GALNT15: variants seen among roughly 807,000 people sequenced by gnomAD.
GALNT15 encodes the protein UDP-GalNAc transferase T15.
GALNT15 carries 67 observed loss-of-function variants against 66.8 expected under a neutral mutation model. The observed-to-expected ratio is 1.00, with a 90% CI of 0.82 to 1.23. The LOEUF is 1.23. Among genes scored for constraint, GALNT15 ranks in the 50% most tolerant of loss-of-function variants. The pLI, the probability that GALNT15 is intolerant of heterozygous loss-of-function variation, is 0.00. For synonymous variants in GALNT15, 313 were observed against 311.5 expected (o/e 1.00, Z -0.05); for missense variants, 827 against 804.3 (o/e 1.03, Z -0.34).
At chr3:16,217,275 G>A (rs942119840) in intron 6 of GALNT15, among the ~76,000 whole-genome samples, 1 of 152,180 alleles carries the variant, frequency 6.6e-6, no homozygotes, top group Non-Finnish European at 1.5e-5. Flanking sequence ...TCCATTCTCT[G>A]ATTCACAGAT....
At chr3:16,210,981 C>G in intron 4 of GALNT15, 143 bp from the exon 5 acceptor site, 1 of 613,788 alleles carries the variant, frequency 1.6e-6, no homozygotes, top group South Asian at 1.9e-5. Flanking sequence ...TCCAGTCTTG[C>G]AATTAAAAAA....
At chr3:16,213,086 G>C (rs1021216663) in intron 6 of GALNT15, among the ~76,000 whole-genome samples, 6 of 152,100 alleles carry the variant, frequency 3.9e-5, no homozygotes, top group Admixed American at 1.3e-4. Context: ...TCCAAGGCCA[G>C]GTCTCCTTTC....
chr3:16,220,785 C>T (rs528691201), intron 8 of GALNT15, among the ~76,000 whole-genome samples: 1 of 152,226 alleles, frequency 6.6e-6, no homozygotes, highest in Non-Finnish European at 1.5e-5. Flanking sequence ...TGTGGTCCAG[C>T]CCTGCATGGA....
At position 16,181,544 on chromosome 3, in the gene GALNT15, G is replaced by A. The variant is rs994923204; in HGVS notation, c.539+5854G>A. On this transcript the variant is annotated intron_variant, in intron 1 of 9. Coordinates refer to ENST00000339732, the MANE Select transcript of GALNT15 (RefSeq NM_054110.5). The surrounding 1 kb of genome is among the most constrained non-coding windows in gnomAD (Gnocchi z 5.9). ...GAAGATGGTGTTGCAATCCACGCGG[G>A]GTCCACTCAGTTCCCTGTGAAGACT... Among the ~76,000 whole-genome samples the A allele has an allele frequency of 1.3e-5, 2 of 152,008 alleles. No individual in the cohort carries two copies. Among genetic ancestry groups the A allele is most frequent in the African/African-American group, 4.8e-5 (2 of 41,388 alleles).
intron 8 of GALNT15, 118 bp from the exon 9 acceptor site, chr3:16,222,497 G>C: frequency 1.6e-6 from 2 of 1,250,058 alleles, no homozygotes; most frequent in Non-Finnish European, 2.3e-6. Flanking sequence ...TTCTGACCCC[G>C]ATAGAATCTG....
Position 16,175,108 on chromosome 3 carries a change from G to T in GALNT15, c.-44G>T. 8 of 1,566,748 alleles carry T rather than the reference G, an allele frequency of 5.1e-6. No individual in the cohort carries two copies. The highest frequency in any genetic ancestry group is 7.0e-6 in the Non-Finnish European group (8 of 1,149,764). ...TTGAAGGAGCCTGGAGCGGGAGAAA[G>T]CTAACTTGAACATGACCTGTTGCAT... On this transcript the variant is annotated 5_prime_UTR_variant, in exon 1 of 10. Coordinates refer to ENST00000339732, the MANE Select transcript of GALNT15 (RefSeq NM_054110.5). The surrounding 1 kb of genome is among the most constrained non-coding windows in gnomAD (Gnocchi z 5.6).
chr3:16,236,104 CAAAAAAAAAAAA>C (rs558670542), downstream of GALNT15, among the ~76,000 whole-genome samples: 18 of 23,400 alleles, frequency 7.7e-4, 1 homozygote, highest in East Asian at 0.012. Context: ...GACTATGTCT[CAAAAAAAAAAAA>C]AAAAAAAAAA....
Position 16,174,960 on chromosome 3 carries a change from G to A in GALNT15, c.-192G>A, listed in dbSNP as rs1455599504. ...GGACTTGGGGTGAAACTTGGGTCCT[G>A]TGGTTTTCTGATTGTAAGTGGAAGC... On this transcript the variant is annotated 5_prime_UTR_variant, in exon 1 of 10. In the 5' UTR this introduces an upstream ATG that the reference lacks. Transcript: ENST00000339732. The surrounding 1 kb of genome is among the most constrained non-coding windows in gnomAD (Gnocchi z 4.7). The A allele has an allele frequency of 5.2e-6, 3 of 578,746 alleles. No homozygotes were observed. The highest frequency in any genetic ancestry group is 3.7e-5 in the African/African-American group (2 of 53,774). The allele number at this position is 578,746 out of a possible 1,614,324, so 35.9% of individuals were successfully genotyped here. A position where few individuals can be genotyped will look rare whatever the true frequency, so the allele number is the denominator to read the frequency against.
rs138291189 is a variant in GALNT15, at chr3:16,195,044, T to G, written c.540-716T>G. Reference sequence around the variant, plus strand: ...AAAAATTGTGTGCCAGGTGCTATGCTAGGTTGTAGGAACATAAAAATAAAG... The same window carrying G: ...AAAAATTGTGTGCCAGGTGCTATGCGAGGTTGTAGGAACATAAAAATAAAG... On this transcript the variant is annotated intron_variant, in intron 1 of 9. Coordinates refer to ENST00000339732, the MANE Select transcript of GALNT15 (RefSeq NM_054110.5). This position sits in a 1 kb window ranked among gnomAD's most constrained non-coding sequence, Gnocchi z 4.6. 4.6e-5 allele frequency among the ~76,000 whole-genome samples: 7 copies of G among 152,320 alleles called. No individual in the cohort carries two copies. The highest frequency in any genetic ancestry group is 7.4e-5 in the Non-Finnish European group (5 of 68,026).
At position 16,219,282 on chromosome 3, in the gene GALNT15, G is replaced by T; in HGVS notation, c.1393-121G>T. 1 of 1,287,168 alleles carries T rather than the reference G, an allele frequency of 7.8e-7. No individual in the cohort carries two copies. The highest frequency in any genetic ancestry group is 1.5e-5 in the African/African-American group (1 of 67,876). 79.7% of individuals were successfully genotyped at this position (1,287,168 alleles called of 1,614,324 possible). A position where few individuals can be genotyped will look rare whatever the true frequency, so the allele number is the denominator to read the frequency against. ...CCCACTGCAGCCCTGGAGAACTGTG[G>T]TCTTGGCCCCTTCCTTCTGTCCTGA... On this transcript the variant is annotated intron_variant, in intron 6 of 9. Coordinates refer to ENST00000339732, the MANE Select transcript of GALNT15 (RefSeq NM_054110.5). This position sits in a 1 kb window ranked among gnomAD's most constrained non-coding sequence, Gnocchi z 4.3.
chr3:16,243,480 G>A, the GALNT15 span, among the ~76,000 whole-genome samples: 1 of 152,344 alleles, frequency 6.6e-6, no homozygotes, highest in East Asian at 1.9e-4. Context: ...GGTTGGCACT[G>A]GCCAGCTTCC....
rs1172340005 is a variant in GALNT15, at chr3:16,175,245, A to G, written c.94A>G (p.Met32Val). 1 of 1,614,060 alleles carries G rather than the reference A, an allele frequency of 6.2e-7. No individual in the cohort carries two copies. The highest frequency in any genetic ancestry group is 8.5e-7 in the Non-Finnish European group (1 of 1,180,018). The change falls in exon 1 of 10, where the codon ATG (methionine) becomes GTG (valine). Residue 32 changes from methionine to valine, a missense_variant. Met to Val is a conservative substitution (Grantham distance 21, BLOSUM62 1). Transcript: ENST00000339732. The surrounding 1 kb of genome is among the most constrained non-coding windows in gnomAD (Gnocchi z 5.6). ...MLGCVLMMVA[M>V]LHPPHHTLHQ... ...GGGATGCGTCCTGATGATGGTGGCG[A>G]TGTTGCACCCTCCCCACCACACCCT...
intron 2 of GALNT15, among the ~76,000 whole-genome samples, chr3:16,197,470 C>T (rs987972454): frequency 3.9e-5 from 6 of 152,188 alleles, no homozygotes; most frequent in African/African-American, 1.4e-4. Flanking sequence ...AGACCCAGAT[C>T]CCAGACAAGC....
intron 4 of GALNT15, among the ~76,000 whole-genome samples, chr3:16,210,884 C>T (rs549191296): frequency 6.6e-6 from 1 of 152,234 alleles, no homozygotes; most frequent in Non-Finnish European, 1.5e-5. Context: ...TCTCTAGGAG[C>T]AGTATCTGAG....
rs2063413641 is a variant in GALNT15, at chr3:16,176,701, T to G, written c.539+1011T>G. 6.6e-6 allele frequency among the ~76,000 whole-genome samples: 1 copy of G among 152,182 alleles called. No individual in the cohort carries two copies. Among genetic ancestry groups the G allele is most frequent in the Non-Finnish European group, 1.5e-5 (1 of 68,026 alleles). ...GCTTGTTAGTTTTAGTTTGGTGATT[T>G]AGGTCCCTTTTCCTATAGGCCATTG... is the stretch of plus-strand genomic sequence containing the variant. On this transcript the variant is annotated intron_variant, in intron 1 of 9. Coordinates refer to ENST00000339732, the MANE Select transcript of GALNT15 (RefSeq NM_054110.5). This position sits in a 1 kb window ranked among gnomAD's most constrained non-coding sequence, Gnocchi z 5.6.
At chr3:16,213,663 C>T (rs1013007230) in intron 6 of GALNT15, among the ~76,000 whole-genome samples, 3 of 152,126 alleles carry the variant, frequency 2.0e-5, no homozygotes, top group African/African-American at 7.2e-5. Context: ...AGACAAGATT[C>T]CCAGGACCCA....
At chr3:16,232,476 A>T (rs2064092986), downstream of GALNT15, among the ~76,000 whole-genome samples, 1 of 53,726 alleles carries the variant, frequency 1.9e-5, no homozygotes, top group African/African-American at 8.4e-5. Flanking sequence ...ATAAATATAT[A>T]TATATATATA....
In GALNT15 at chr3:16,208,520, C is replaced by A. The variant is rs377237497; in HGVS notation, c.929C>A (p.Pro310Gln). 4 of 1,613,844 alleles carry A rather than the reference C, an allele frequency of 2.5e-6. No individual in the cohort carries two copies. Among genetic ancestry groups the A allele is most frequent in the Non-Finnish European group, 3.4e-6 (4 of 1,179,946 alleles). The change falls in exon 4 of 10, where the codon CCG (proline) becomes CAG (glutamine). Residue 310 changes from proline to glutamine, a missense_variant. Physicochemically the swap from Pro to Gln is moderately conservative, Grantham distance 76. Transcript: ENST00000339732. The stretch of plus-strand genomic sequence containing the variant: ...CTTTCCAGGAGCCGAGTGGTATCTC[C>A]GGTGATAGATGTGATTGACTGGAAG... ...IAGDRSRVVS[P>Q]VIDVIDWKTF...
At chr3:16,179,959 C>A (rs938906066) in intron 1 of GALNT15, among the ~76,000 whole-genome samples, 1 of 152,222 alleles carries the variant, frequency 6.6e-6, no homozygotes, top group Admixed American at 6.5e-5. Flanking sequence ...TTTCAAAGTT[C>A]TTCCAGGCCC....
Sources: allele counts gnomAD v4.1 joint callset (sites outside exome capture counted in the v4.1 genomes callset), GRCh38; gene constraint gnomAD v4.1.1; non-coding constraint Gnocchi (gnomAD v3.1); transcripts MANE v1.5; gene names NCBI Gene and HGNC (gene_info 2026-07-23, HGNC 2026-07-21).